MYLK3: variants seen among roughly 807,000 people sequenced by gnomAD.
MYLK3 encodes the protein MLC kinase.
A neutral mutation model predicts 76.3 loss-of-function variants in MYLK3; 55 were observed. The ratio of observed to expected loss-of-function variants is 0.72; its 90% confidence interval spans 0.58 to 0.90. The LOEUF is 0.90. Among genes scored for constraint, MYLK3 ranks in the 40% least tolerant of loss-of-function variants. The pLI is 0.00. For synonymous variants in MYLK3, 416 were observed against 425.4 expected, an observed-to-expected ratio of 0.98 and a Z score of 0.27; for missense variants, 973 against 1,053.6, an observed-to-expected ratio of 0.92 and a Z score of 1.06.
At chr16:46,716,953 A>G (rs1966746770) in intron 9 of MYLK3, among the ~76,000 whole-genome samples, 1 of 152,188 alleles carries the variant, frequency 6.6e-6, no homozygotes, top group South Asian at 2.1e-4. Context: ...CCCTTCCCCC[A>G]TACCTTGCCC....
chr16:46,755,052 C>A (rs964308955), intron 1 of MYLK3, among the ~76,000 whole-genome samples: 1 of 151,958 alleles, frequency 6.6e-6, no homozygotes, highest in Non-Finnish European at 1.5e-5. Flanking sequence ...TGTGCCACTA[C>A]GCTTGGCTAA....
At position 46,714,656 on chromosome 16, in the gene MYLK3, C is replaced by T. The variant is rs192431119; in HGVS notation, c.1986-1880G>A. On this transcript the variant is annotated intron_variant, in intron 9 of 12. Coordinates refer to ENST00000394809, the MANE Select transcript of MYLK3 (RefSeq NM_182493.3). ...CCCAGTGCCTCTTCGTGCCCCACAG[C>T]CACACCTCGTGTCATGTGACTTTGT... 2.8e-3 allele frequency among the ~76,000 whole-genome samples: 425 copies of T among 152,352 alleles called. 1 individual carries two copies. The highest frequency in any genetic ancestry group is 4.6e-3 in the Admixed American group (71 of 15,306).
At chr16:46,711,841 G>T (rs1051804549) in intron 10 of MYLK3, 1 of 199,420 alleles carries the variant, frequency 5.0e-6, no homozygotes, top group Non-Finnish European at 1.1e-5. Context: ...TAACTCTCAG[G>T]GGGTATTCCA....
intron 10 of MYLK3, among the ~76,000 whole-genome samples, chr16:46,712,031 C>G (rs1443643002): frequency 7.0e-6 from 1 of 143,586 alleles, no homozygotes; most frequent in Non-Finnish European, 1.5e-5. Context: ...TGCTCTGTCA[C>G]TCAGGCTGGA....
chr16:46,744,404 A>C (rs1325354032), intron 1 of MYLK3, among the ~76,000 whole-genome samples: 1 of 125,816 alleles, frequency 7.9e-6, no homozygotes, highest in African/African-American at 3.0e-5. Flanking sequence ...ATGGTGGTGC[A>C]ATCTTGGCTC....
At chr16:46,754,083 C>T (rs966378610) in intron 1 of MYLK3, among the ~76,000 whole-genome samples, 5 of 151,850 alleles carry the variant, frequency 3.3e-5, no homozygotes, top group African/African-American at 1.2e-4. Context: ...TATAGGGATT[C>T]GAAGATGAAG....
intron 6 of MYLK3, 50 bp downstream of exon 6, chr16:46,729,544 A>G (rs1567285812): frequency 6.5e-7 from 1 of 1,545,282 alleles, no homozygotes; most frequent in Non-Finnish European, 8.9e-7. Flanking sequence ...GAGGGAAGGA[A>G]AGGAATCCTG....
rs576887058 is a variant in MYLK3 at position 46,732,303 on chromosome 16, G to A, written c.1367C>T (p.Pro456Leu). 1 of 1,610,802 alleles carries A rather than the reference G, an allele frequency of 6.2e-7. No individual in the cohort carries two copies. Among genetic ancestry groups the A allele is most frequent in the South Asian group, 1.1e-5 (1 of 91,086 alleles). The change falls in exon 4 of 13, where the codon CCT becomes CTT. Residue 456 changes from proline to leucine, a missense_variant. By Grantham distance (98) the Pro-to-Leu change is moderately conservative. Around this residue, in one of 2 missense-constraint regions of MYLK3, gnomAD observed 641 missense variants for 637.0 expected, o/e 1.01. Transcript: ENST00000394809. ...GGCTGCACAGTCCTGCTCAGGCTCA[G>A]GGTTTCCCGCCCCTGGGCTTTTGCC... The part of the protein sequence containing the change: ...QQGKSPGAGN[P>L]EPEQDCAARA...
At chr16:46,711,236 A>C (rs1444990699) in intron 10 of MYLK3, among the ~76,000 whole-genome samples, 1 of 152,194 alleles carries the variant, frequency 6.6e-6, no homozygotes, top group Non-Finnish European at 1.5e-5. Context: ...AGGATAGAGA[A>C]TCAGGACACC....
rs1350601241 is a variant in MYLK3 at position 46,732,486 on chromosome 16, T to C, written c.1184A>G (p.Glu395Gly). Residue 395 changes from glutamate to glycine, a missense_variant, in exon 4 of 13, where the codon GAA becomes GGA. By Grantham distance (98) the Glu-to-Gly change is moderately conservative. This residue lies in a region of MYLK3 where 641 missense variants were observed against 637.0 expected (regional missense o/e 1.01). Transcript: ENST00000394809. ...CAGCGGGGAGAGCTCTCTGGCTCCT[T>C]CAGGGGTCTGTTCTCCGGGCTCAGT... ...PGTEPGEQTP[E>G]GARELSPLQE... 6.2e-7 allele frequency: 1 copy of C among 1,609,166 alleles called. No individual in the cohort carries two copies. The highest frequency in any genetic ancestry group is 8.5e-7 in the Non-Finnish European group (1 of 1,179,946).
chr16:46,703,249 G>T lies in MYLK3; in HGVS notation c.*4455C>A, dbSNP rs1183752933. 6.6e-6 allele frequency: 1 copy of T among 152,138 alleles called. No individual in the cohort carries two copies. Among genetic ancestry groups the T allele is most frequent in the Non-Finnish European group, 1.5e-5 (1 of 68,044 alleles). 9.4% of individuals were successfully genotyped at this position (152,138 alleles called of 1,614,324 possible). A position where few individuals can be genotyped will look rare whatever the true frequency, so the allele number is the denominator to read the frequency against. On this transcript the variant is annotated 3_prime_UTR_variant, in exon 13 of 13. Transcript: ENST00000394809. ...CATTTAACTAAAACCAAACTAATAG[G>T]CATGTGTTGGTTGTTTTTACTGGGC...
At chr16:46,729,911 C>T in intron 5 of MYLK3, 1 of 598,364 alleles carries the variant, frequency 1.7e-6, no homozygotes, top group South Asian at 2.0e-5. Flanking sequence ...GGGAACATCC[C>T]CTCATCCCTC....
At chr16:46,762,158 C>A (rs538729467) in intron 1 of MYLK3, among the ~76,000 whole-genome samples, 1 of 152,208 alleles carries the variant, frequency 6.6e-6, no homozygotes, top group Non-Finnish European at 1.5e-5. Flanking sequence ...AGGCAAAAAT[C>A]TCTAAGGATA....
intron 8 of MYLK3, chr16:46,726,155 G>T (rs1051484433): frequency 6.6e-5 from 10 of 152,116 alleles, no homozygotes; most frequent in African/African-American, 2.4e-4. Flanking sequence ...TTATTTCTGG[G>T]TTCTCGATTA....
At chr16:46,731,563 G>A (rs190001613) in intron 4 of MYLK3, among the ~76,000 whole-genome samples, 16 of 152,300 alleles carry the variant, frequency 1.1e-4, no homozygotes, top group Admixed American at 2.0e-4. Context: ...CGGGAACACC[G>A]ACAGTGGTCC....
upstream of MYLK3, among the ~76,000 whole-genome samples, chr16:46,752,137 C>A (rs1339006478): frequency 1.3e-5 from 2 of 152,066 alleles, no homozygotes; most frequent in Non-Finnish European, 2.9e-5. Context: ...TAGGGTGGGG[C>A]CAGCACGCAC....
At chr16:46,753,504 G>T (rs1393411679) in intron 1 of MYLK3, among the ~76,000 whole-genome samples, 2 of 152,204 alleles carry the variant, frequency 1.3e-5, no homozygotes, top group African/African-American at 4.8e-5. Context: ...AGACAAAAAG[G>T]ATCACTGGAT....
intron 3 of MYLK3, among the ~76,000 whole-genome samples, chr16:46,735,134 C>T (rs1286455051): frequency 5.3e-5 from 8 of 151,316 alleles, no homozygotes; most frequent in African/African-American, 1.7e-4. Flanking sequence ...GAGTGAGACC[C>T]TGTCTCAAAA....
intron 1 of MYLK3, among the ~76,000 whole-genome samples, chr16:46,744,160 G>T (rs1203219743): frequency 6.6e-6 from 1 of 151,748 alleles, no homozygotes; most frequent in Non-Finnish European, 1.5e-5. Flanking sequence ...AGCCTCCCGG[G>T]TAGCTAGGAC....
Sources: allele counts gnomAD v4.1 joint callset (sites outside exome capture counted in the v4.1 genomes callset), GRCh38; gene constraint gnomAD v4.1.1; regional missense constraint gnomAD v4.1.1; transcripts MANE v1.5; gene names NCBI Gene and HGNC (gene_info 2026-07-23, HGNC 2026-07-21).